Variants in CADM2 observed in about 807,000 individuals in gnomAD.
CADM2 encodes cell adhesion molecule 2.
Under a neutral mutation model 49.8 loss-of-function variants are expected in CADM2, and 12 were observed. The ratio of observed to expected loss-of-function variants is 0.24; its 90% CI spans 0.15 to 0.39. The LOEUF (loss-of-function observed/expected upper bound fraction) is 0.39, where lower values mean the gene tolerates loss of function less well. Among genes scored for constraint, CADM2 ranks in the 10% least tolerant of loss-of-function variants. The probability of loss-of-function intolerance (pLI) is 1.00; values close to 1 mark genes in which losing one functional copy is unlikely to be tolerated. For missense variants in CADM2, 378 were observed against 492.3 expected, an observed-to-expected ratio of 0.77 and a Z score of 2.20; for synonymous variants, 214 against 175.4, an observed-to-expected ratio of 1.22 and a Z score of -1.74.
chr3:85,268,865 C>T (rs1244376767), intron 1 of CADM2, among the ~76,000 whole-genome samples: 1 of 151,192 alleles, frequency 6.6e-6, no homozygotes, highest in Non-Finnish European at 1.5e-5. Context: ...ATTTTTATTA[C>T]TCTATAATGC....
chr3:85,278,581 C>T (rs939135182), intron 1 of CADM2, among the ~76,000 whole-genome samples: 2 of 151,282 alleles, frequency 1.3e-5, no homozygotes, highest in African/African-American at 4.8e-5. Flanking sequence ...TTTTATTTCT[C>T]TTTAGAGTGC....
chr3:85,948,380 A>C (rs1225031747), intron 7 of CADM2, among the ~76,000 whole-genome samples: 1 of 151,438 alleles, frequency 6.6e-6, no homozygotes, highest in Non-Finnish European at 1.5e-5. Flanking sequence ...TCTAGTAGTC[A>C]CCAGTACAAC....
chr3:85,734,633 ATCTC>A (rs1273881545), intron 2 of CADM2, among the ~76,000 whole-genome samples: 1 of 147,796 alleles, frequency 6.8e-6, no homozygotes, highest in African/African-American at 2.5e-5. Flanking sequence ...AACTCACCAT[ATCTC>A]TCTCTTTTTC....
chr3:85,257,517 T>C (rs2042914818), intron 1 of CADM2, among the ~76,000 whole-genome samples: 1 of 152,156 alleles, frequency 6.6e-6, no homozygotes, highest in Non-Finnish European at 1.5e-5. Context: ...AGGGCCTATC[T>C]ATCCCTCTTT....
intron 1 of CADM2, among the ~76,000 whole-genome samples, chr3:85,224,611 T>C (rs1376408571): frequency 6.6e-6 from 1 of 152,198 alleles, no homozygotes; most frequent in African/African-American, 2.4e-5. Flanking sequence ...TTTAATTAGA[T>C]CCCATTTGTC....
Position 85,886,305 on chromosome 3 carries a change from C to A in CADM2, c.507C>A (p.Phe169Leu). Reference sequence around the variant, plus strand: ...AACCTGCAGCTGATATAAGATGGTTCAAAAATGACAAAGAGATTAAAGGTA... The same window carrying A: ...AACCTGCAGCTGATATAAGATGGTTAAAAAATGACAAAGAGATTAAAGGTA... ...GSKPAADIRW[F>L]KNDKEIKDVK... Residue 169 changes from phenylalanine (F) to leucine (L), a missense_variant, in exon 5 of 10, where the codon TTC becomes TTA. Phe to Leu is a conservative substitution (Grantham distance 22, BLOSUM62 0). Coordinates refer to ENST00000383699, the MANE Select transcript of CADM2 (RefSeq NM_001167675.2). The A allele has an allele frequency of 1.9e-6, 3 of 1,610,672 alleles. No individual in the cohort carries two copies. The highest frequency in any genetic ancestry group is 8.5e-7 in the Non-Finnish European group (1 of 1,177,900).
chr3:85,581,385 C>A lies in CADM2; in HGVS notation c.62-145137C>A, dbSNP rs186225086. On this transcript the variant is annotated intron_variant, in intron 1 of 9. Transcript: ENST00000383699. Reference sequence around the variant, plus strand: ...TCTTGTTATATATGTTAAACAGAAACACGTAAGAATTAGAAAAAATTCTTC... The same window carrying A: ...TCTTGTTATATATGTTAAACAGAAAAACGTAAGAATTAGAAAAAATTCTTC... Among the ~76,000 whole-genome samples, 369 of 145,012 alleles carry A rather than the reference C, an allele frequency of 2.5e-3. 1 individual carries two copies. The highest frequency in any genetic ancestry group is 5.7e-3 in the Admixed American group (82 of 14,402).
At chr3:86,000,797 A>G (rs1292394783) in intron 8 of CADM2, among the ~76,000 whole-genome samples, 1 of 152,198 alleles carries the variant, frequency 6.6e-6, no homozygotes, top group African/African-American at 2.4e-5. Context: ...TAGAACCTGC[A>G]GAACTTTAAA....
At chr3:85,458,039 C>A (rs1359591830) in intron 1 of CADM2, among the ~76,000 whole-genome samples, 1 of 152,120 alleles carries the variant, frequency 6.6e-6, no homozygotes, top group Non-Finnish European at 1.5e-5. Flanking sequence ...TTCCACAATT[C>A]AATCTCTGTT....
chr3:85,925,240 T>C (rs1206890773), intron 6 of CADM2, among the ~76,000 whole-genome samples: 1 of 152,190 alleles, frequency 6.6e-6, no homozygotes, highest in Non-Finnish European at 1.5e-5. Flanking sequence ...ATATAATTTA[T>C]CTAATTTATT....
At chr3:85,350,165 A>T (rs1306839558) in intron 1 of CADM2, among the ~76,000 whole-genome samples, 1 of 152,194 alleles carries the variant, frequency 6.6e-6, no homozygotes, top group African/African-American at 2.4e-5. Context: ...CTTAGTGTCT[A>T]TACTGAGGGT....
intron 1 of CADM2, among the ~76,000 whole-genome samples, chr3:85,454,548 C>T (rs910309796): frequency 3.3e-5 from 5 of 151,856 alleles, no homozygotes; most frequent in African/African-American, 7.3e-5. Context: ...ACTTAATCCT[C>T]GATATATAAA....
At chr3:85,162,180 G>A (rs2040347837) in intron 1 of CADM2, among the ~76,000 whole-genome samples, 1 of 152,066 alleles carries the variant, frequency 6.6e-6, no homozygotes, top group African/African-American at 2.4e-5. Context: ...CGAGGGTGTG[G>A]ATGGGTTTTT....
At chr3:86,049,058 C>A (rs1737019678) in intron 8 of CADM2, among the ~76,000 whole-genome samples, 1 of 151,782 alleles carries the variant, frequency 6.6e-6, no homozygotes, top group Admixed American at 6.6e-5. Context: ...GTATTTATAA[C>A]AACAAAAACC....
intron 1 of CADM2, among the ~76,000 whole-genome samples, chr3:85,124,195 C>A (rs999756776): frequency 2.4e-4 from 36 of 152,118 alleles, no homozygotes; most frequent in Non-Finnish European, 2.2e-4. Flanking sequence ...GCTTCCAAGT[C>A]CTTAAGAAGG....
intron 2 of CADM2, among the ~76,000 whole-genome samples, chr3:85,760,139 T>C (rs766703880): frequency 6.6e-6 from 1 of 152,136 alleles, no homozygotes; most frequent in African/African-American, 2.4e-5. Context: ...TTGCTAGATA[T>C]ATGAAGTTTT....
chr3:85,396,870 A>G (rs1161876082), intron 1 of CADM2, among the ~76,000 whole-genome samples: 1 of 152,090 alleles, frequency 6.6e-6, no homozygotes, highest in African/African-American at 2.4e-5. Flanking sequence ...CATGACACCT[A>G]AAAGCAAAGG....
chr3:85,465,354 C>T (rs1160143913), intron 1 of CADM2, among the ~76,000 whole-genome samples: 1 of 152,086 alleles, frequency 6.6e-6, no homozygotes, highest in Non-Finnish European at 1.5e-5. Flanking sequence ...CCACTACCAT[C>T]GACCACCTGG....
chr3:85,680,936 G>T (rs1333048535), intron 1 of CADM2, among the ~76,000 whole-genome samples: 1 of 152,086 alleles, frequency 6.6e-6, no homozygotes, highest in Admixed American at 6.6e-5. Flanking sequence ...ATTGGGGTTT[G>T]GAGTCATGAA....
Sources: gnomAD v4.1 joint callset for allele counts (sites outside exome capture counted in the v4.1 genomes callset) on GRCh38, gnomAD v4.1.1 for gene constraint, MANE v1.5 for transcripts, NCBI Gene and HGNC (gene_info 2026-07-23, HGNC 2026-07-21) for gene names.